SCAMP1: variants seen among roughly 807,000 people sequenced by gnomAD.
SCAMP1 encodes the protein secretory carrier membrane protein 1.
A neutral mutation model predicts 41.8 loss-of-function variants in SCAMP1; 15 were observed. That is an observed-to-expected ratio of 0.36 (90% CI 0.24 to 0.55). SCAMP1 has a LOEUF of 0.55. Among genes scored for constraint, SCAMP1 ranks in the 20% least tolerant of loss-of-function variants. The probability of loss-of-function intolerance (pLI) is 0.86; values close to 1 mark genes in which losing one functional copy is unlikely to be tolerated. For missense variants in SCAMP1, 341 were observed against 412.6 expected (o/e 0.83, Z 1.50); for synonymous variants, 135 against 136.8 (o/e 0.99, Z 0.09).
At chr5:78,407,467 G>T (rs1751960811) in intron 2 of SCAMP1, among the ~76,000 whole-genome samples, 1 of 132,656 alleles carries the variant, frequency 7.5e-6, no homozygotes, top group African/African-American at 2.5e-5. Flanking sequence ...CCTTTGTGTG[G>T]GAATTATCCT....
intron 2 of SCAMP1, among the ~76,000 whole-genome samples, chr5:78,397,525 AG>A (rs1751682451): frequency 6.6e-6 from 1 of 152,230 alleles, no homozygotes; most frequent in African/African-American, 2.4e-5. Context: ...CTATCAAGAG[AG>A]TGAAAAGACA....
chr5:78,380,097 C>T (rs1304698676), intron 1 of SCAMP1, among the ~76,000 whole-genome samples: 2 of 152,296 alleles, frequency 1.3e-5, no homozygotes, highest in East Asian at 3.9e-4. Context: ...TTGCTTTTTT[C>T]ACTCAGCCCA....
At chr5:78,385,717 G>T (rs984510376) in intron 1 of SCAMP1, among the ~76,000 whole-genome samples, 3 of 152,138 alleles carry the variant, frequency 2.0e-5, no homozygotes, top group African/African-American at 7.2e-5. Context: ...TCATCATTCA[G>T]GAGCAGGTTA....
intron 3 of SCAMP1, 90 bp downstream of exon 3, chr5:78,415,708 A>T (rs1464503673): frequency 3.8e-6 from 3 of 798,522 alleles, no homozygotes; most frequent in Non-Finnish European, 4.0e-6. Context: ...TTATATGGTT[A>T]CATTTCTGTT....
intron 8 of SCAMP1, among the ~76,000 whole-genome samples, chr5:78,474,786 G>C (rs1199553852): frequency 6.6e-6 from 1 of 152,126 alleles, no homozygotes; most frequent in African/African-American, 2.4e-5. Flanking sequence ...TAAAATAAGT[G>C]GCTGATGTTA....
At chr5:78,381,089 T>C (rs1751195280) in intron 1 of SCAMP1, among the ~76,000 whole-genome samples, 2 of 151,784 alleles carry the variant, frequency 1.3e-5, no homozygotes, top group African/African-American at 4.8e-5. Flanking sequence ...CTGTTTCTTG[T>C]TTCAAAGAGT....
intron 8 of SCAMP1, among the ~76,000 whole-genome samples, chr5:78,469,907 AAAAAACAAAAAAAAAAAAAAAAAAACAAC>A (rs1305782084): frequency 1.5e-4 from 8 of 54,256 alleles, no homozygotes; most frequent in East Asian, 1.6e-3. Flanking sequence ...AAAAAAAAAA[AAAAAACAAAAAAAAAAAAAAAAAAACAAC>A]AACACAGCCC....
intron 1 of SCAMP1, among the ~76,000 whole-genome samples, chr5:78,385,739 T>C (rs1279284311): frequency 2.6e-5 from 4 of 152,262 alleles, no homozygotes; most frequent in Non-Finnish European, 5.9e-5. Flanking sequence ...TTAATTTCCA[T>C]GTATTTTTAT....
intron 6 of SCAMP1, among the ~76,000 whole-genome samples, chr5:78,449,144 T>C (rs1262049557): frequency 2.0e-5 from 3 of 152,108 alleles, no homozygotes; most frequent in Admixed American, 6.5e-5. Flanking sequence ...AAAGGAAATA[T>C]ATGTTCATGG....
chr5:78,370,640 C>G (rs1316761814), intron 1 of SCAMP1: 1 of 152,128 alleles, frequency 6.6e-6, no homozygotes, highest in Non-Finnish European at 1.5e-5. Context: ...TATAAACATT[C>G]CTGTACAAGT....
intron 6 of SCAMP1, among the ~76,000 whole-genome samples, chr5:78,442,414 A>C (rs1249424505): frequency 1.3e-5 from 2 of 152,088 alleles, no homozygotes; most frequent in South Asian, 4.2e-4. Flanking sequence ...GTCCACAACC[A>C]TGCCTGGTTA....
chr5:78,403,829 G>C (rs1379993950), intron 2 of SCAMP1, among the ~76,000 whole-genome samples: 2 of 151,800 alleles, frequency 1.3e-5, no homozygotes, highest in African/African-American at 4.8e-5. Flanking sequence ...GCTGGGTGTG[G>C]TGGCATGCGC....
Position 78,363,463 on chromosome 5 carries a change from C to A in SCAMP1, c.57+2735C>A, listed in dbSNP as rs553324448. On this transcript the variant is annotated intron_variant, in intron 1 of 8. Transcript: ENST00000621999. ...TGACCTCGTGATCTACCCGCCTTGG[C>A]CTCCCAAAGTGCTGGGATTACAGGC... Among the ~76,000 whole-genome samples the A allele has an allele frequency of 4.7e-4, 70 of 150,498 alleles. 3 individuals carry two copies. In the South Asian group the frequency reaches 0.015, roughly 31 times the overall value.
At chr5:78,447,554 C>G (rs1358346600) in intron 6 of SCAMP1, among the ~76,000 whole-genome samples, 1 of 150,480 alleles carries the variant, frequency 6.6e-6, no homozygotes, top group Non-Finnish European at 1.5e-5. Flanking sequence ...TAACCATATG[C>G]AAAAAAGAAC....
chr5:78,420,418 A>G (rs1752314011), intron 5 of SCAMP1, among the ~76,000 whole-genome samples: 4 of 152,192 alleles, frequency 2.6e-5, no homozygotes, highest in Admixed American at 6.5e-5. Flanking sequence ...ATAATTTTCT[A>G]TTTCACAATC....
rs139558957 is a variant in SCAMP1, at chr5:78,366,371, T to C, written c.57+5643T>C. 3.4e-3 allele frequency among the ~76,000 whole-genome samples: 511 copies of C among 152,236 alleles called. 4 individuals are homozygous for C. The highest frequency in any genetic ancestry group is 0.012 in the African/African-American group (488 of 41,546). Reference sequence around the variant, plus strand: ...GTTGGCCAGGCTGGCCTTGAACTCTTGGCCTCAAGTGATCCACCTGCCTCA... The same window carrying C: ...GTTGGCCAGGCTGGCCTTGAACTCTCGGCCTCAAGTGATCCACCTGCCTCA... On this transcript the variant is annotated intron_variant, in intron 1 of 8. Coordinates refer to ENST00000621999, the MANE Select transcript of SCAMP1 (RefSeq NM_004866.6).
intron 6 of SCAMP1, among the ~76,000 whole-genome samples, chr5:78,425,435 G>A (rs1529498): frequency 0.014 from 2,081 of 152,066 alleles, 21 homozygotes; most frequent in Non-Finnish European, 0.023. Flanking sequence ...TCATTCTCTA[G>A]CATAATTTTA....
intron 6 of SCAMP1, among the ~76,000 whole-genome samples, chr5:78,441,450 A>G (rs574564671): frequency 7.9e-4 from 120 of 152,344 alleles, no homozygotes; most frequent in African/African-American, 2.8e-3. Context: ...AATAGTTAGG[A>G]AATTTCAAGT....
chr5:78,453,793 C>T (rs886374279), intron 7 of SCAMP1, among the ~76,000 whole-genome samples: 20 of 152,136 alleles, frequency 1.3e-4, no homozygotes, highest in South Asian at 6.2e-4. Flanking sequence ...GCCATTTTCA[C>T]GATATTGATT....
Sources: gnomAD v4.1 joint callset for allele counts (sites outside exome capture counted in the v4.1 genomes callset) on GRCh38, gnomAD v4.1.1 for gene constraint, MANE v1.5 for transcripts, NCBI Gene and HGNC (gene_info 2026-07-23, HGNC 2026-07-21) for gene names.